The following FRMD4B variants were observed in gnomAD, a reference collection of about 807,000 sequenced individuals.
FRMD4B encodes FERM domain-containing protein 4B.
A neutral mutation model predicts 141.5 loss-of-function variants in FRMD4B; 74 were observed. The observed-to-expected ratio is 0.52, with a 90% confidence interval of 0.43 to 0.63. The LOEUF (loss-of-function observed/expected upper bound fraction) is 0.63. Among genes scored for constraint, FRMD4B ranks in the 30% least tolerant of loss-of-function variants. The pLI, the probability that FRMD4B is intolerant of heterozygous loss-of-function variation, is 0.00. For missense variants in FRMD4B, 1,366 were observed against 1,253.4 expected (o/e 1.09, Z -1.36); for synonymous variants, 506 against 467.9 (o/e 1.08, Z -1.05).
intron 5 of FRMD4B, among the ~76,000 whole-genome samples, chr3:69,278,051 T>G (rs1268198106): frequency 2.0e-5 from 3 of 151,642 alleles, no homozygotes; most frequent in African/African-American, 7.3e-5. Context: ...AGATGGAGTT[T>G]CACCATATTG....
At chr3:69,270,558 T>C (rs1378858138) in intron 5 of FRMD4B, among the ~76,000 whole-genome samples, 6 of 143,442 alleles carry the variant, frequency 4.2e-5, no homozygotes, top group Non-Finnish European at 9.1e-5. Flanking sequence ...ATTTTCTTTT[T>C]TTCTTTTTTT....
chr3:69,529,254 T>C (rs189945470), intron 1 of FRMD4B, among the ~76,000 whole-genome samples: 13 of 152,306 alleles, frequency 8.5e-5, no homozygotes, highest in African/African-American at 2.6e-4. Flanking sequence ...AGGATCCAGA[T>C]TGTTTTGTGG....
intron 1 of FRMD4B, among the ~76,000 whole-genome samples, chr3:69,536,950 G>C (rs1701096855): frequency 6.6e-6 from 1 of 151,992 alleles, no homozygotes; most frequent in Admixed American, 6.6e-5. Context: ...GTCTTCCTAG[G>C]TTGCCTAGTC....
upstream of FRMD4B, among the ~76,000 whole-genome samples, chr3:69,387,886 A>G (rs183881630): frequency 2.0e-5 from 3 of 152,204 alleles, no homozygotes; most frequent in East Asian, 1.9e-4. Flanking sequence ...TTTCTTCACA[A>G]TAAGTCTTCT....
intron 7 of FRMD4B, among the ~76,000 whole-genome samples, chr3:69,229,183 G>A (rs534801134): frequency 1.3e-5 from 2 of 151,952 alleles, no homozygotes; most frequent in South Asian, 4.2e-4. Flanking sequence ...GTGCCACCAT[G>A]TCTGGCTAAA....
At chr3:69,200,523 T>G (rs2092955492) in intron 11 of FRMD4B, 1 of 1,052,850 alleles carries the variant, frequency 9.5e-7, no homozygotes, top group Admixed American at 4.6e-5. Flanking sequence ...CTGAGTTTCA[T>G]AAGACACTTA....
At chr3:69,251,567 G>A (rs1428113161) in intron 5 of FRMD4B, among the ~76,000 whole-genome samples, 1 of 152,212 alleles carries the variant, frequency 6.6e-6, no homozygotes. Context: ...ATTACAAGAT[G>A]AAAACAAGTT....
intron 1 of FRMD4B, among the ~76,000 whole-genome samples, chr3:69,360,189 A>G (rs1279453870): frequency 6.6e-6 from 1 of 152,230 alleles, no homozygotes; most frequent in Non-Finnish European, 1.5e-5. Context: ...GTCAAAGACC[A>G]GTGTCATAAC....
intron 1 of FRMD4B, among the ~76,000 whole-genome samples, chr3:69,454,665 A>C (rs1217898970): frequency 1.3e-5 from 2 of 151,772 alleles, no homozygotes; most frequent in Admixed American, 1.3e-4. Context: ...GGCCTCAGCC[A>C]CCTCCCCGAG....
chr3:69,416,780 T>A (rs780860241), intron 2 of FRMD4B, among the ~76,000 whole-genome samples: 3 of 152,190 alleles, frequency 2.0e-5, no homozygotes, highest in Non-Finnish European at 2.9e-5. Context: ...CAGCTCCTAC[T>A]TATGAGTGAG....
rs749218733 is a variant in FRMD4B, at chr3:69,181,378, C to A, written c.2372G>T (p.Gly791Val). ...NLAQKDSLRN[G>V]VYSKSQEPPS... The stretch of plus-strand genomic sequence containing the variant: ...TGGCTCCTGACTCTTTGAGTAAACA[C>A]CATTCCTCAAACTATCCTTTTGTGC... The change falls in exon 21 of 23, where the codon GGT becomes GTT. Residue 791 changes from glycine (G) to valine (V), a missense_variant. By Grantham distance (109) the Gly-to-Val change is moderately radical. Coordinates refer to ENST00000398540, the MANE Select transcript of FRMD4B (RefSeq NM_015123.3). 8.7e-6 allele frequency: 14 copies of A among 1,613,370 alleles called. No homozygotes were observed. The highest frequency in any genetic ancestry group is 1.1e-5 in the Non-Finnish European group (13 of 1,179,320).
chr3:69,515,653 T>C (rs1475041619), intron 1 of FRMD4B, among the ~76,000 whole-genome samples: 1 of 152,218 alleles, frequency 6.6e-6, no homozygotes, highest in African/African-American at 2.4e-5. Context: ...AAAATAATTA[T>C]CAAAATATTA....
At chr3:69,263,976 C>T (rs1219603551) in intron 5 of FRMD4B, among the ~76,000 whole-genome samples, 5 of 151,684 alleles carry the variant, frequency 3.3e-5, no homozygotes, top group Non-Finnish European at 7.4e-5. Context: ...CAGGCACACA[C>T]CCCCAAGCCC....
In FRMD4B at chr3:69,339,674, G is replaced by A. The variant is rs565667625; in HGVS notation, c.163-26157C>T. Reference sequence around the variant, plus strand: ...AGGCAAATATAGTTCTGCAGGCCTCGAAAAAAAGGCAGAAAACATTTCGAC... The same window carrying A: ...AGGCAAATATAGTTCTGCAGGCCTCAAAAAAAAGGCAGAAAACATTTCGAC... On this transcript the variant is annotated intron_variant, in intron 1 of 22. Coordinates refer to ENST00000398540, the MANE Select transcript of FRMD4B (RefSeq NM_015123.3). Among the ~76,000 whole-genome samples, 6 of 152,118 alleles carry A rather than the reference G, an allele frequency of 3.9e-5. No individual in the cohort carries two copies. In the East Asian group the frequency reaches 5.8e-4, roughly 15 times the overall value.
intron 1 of FRMD4B, among the ~76,000 whole-genome samples, chr3:69,435,288 A>C (rs888153880): frequency 6.6e-6 from 1 of 152,096 alleles, no homozygotes. Flanking sequence ...AGTGTCATTC[A>C]TGAAGAGCTG....
At chr3:69,419,571 G>A (rs1462117436) in intron 2 of FRMD4B, among the ~76,000 whole-genome samples, 2 of 152,116 alleles carry the variant, frequency 1.3e-5, no homozygotes, top group Non-Finnish European at 2.9e-5. Context: ...ACCAAAAAGG[G>A]GCAGGAGAGC....
At chr3:69,497,485 T>C (rs1359389035) in intron 1 of FRMD4B, among the ~76,000 whole-genome samples, 1 of 152,096 alleles carries the variant, frequency 6.6e-6, no homozygotes, top group African/African-American at 2.4e-5. Flanking sequence ...TTATATGCAG[T>C]GGTGGTCAAA....
intron 11 of FRMD4B, among the ~76,000 whole-genome samples, chr3:69,203,498 G>C (rs1238819943): frequency 6.6e-6 from 1 of 152,060 alleles, no homozygotes; most frequent in African/African-American, 2.4e-5. Flanking sequence ...GTATGTTTGA[G>C]GTCTTGTTCT....
rs1575685946 is a variant in FRMD4B at position 69,279,023 on chromosome 3, C to T, written c.501+8729G>A. On this transcript the variant is annotated intron_variant, in intron 5 of 22. Transcript: ENST00000398540. ...TTACAAAGTATCATCAGACACATTA[C>T]CTTTAAATTAAACACAACACATACC... Among the ~76,000 whole-genome samples the T allele has an allele frequency of 2.0e-5, 3 of 151,818 alleles. No homozygotes were observed. The South Asian group carries it at 6.3e-4, about 32-fold the overall frequency.
Sources: gnomAD v4.1 joint callset for allele counts (sites outside exome capture counted in the v4.1 genomes callset) on GRCh38, gnomAD v4.1.1 for gene constraint, MANE v1.5 for transcripts, NCBI Gene and HGNC (gene_info 2026-07-23, HGNC 2026-07-21) for gene names.